The following CFHR3 variants were observed in gnomAD, a reference collection of about 807,000 sequenced individuals.
CFHR3 encodes complement factor H-related protein 3.
In CFHR3, 22 loss-of-function variants were observed where a neutral mutation model predicts 36.0. The ratio of observed to expected loss-of-function variants is 0.61; its 90% CI spans 0.44 to 0.87. CFHR3 has a LOEUF of 0.87. CFHR3 is among the 40% of genes least tolerant of loss of function. The probability of loss-of-function intolerance (pLI) is 0.00; values close to 1 mark genes in which losing one functional copy is unlikely to be tolerated. For synonymous variants in CFHR3, 97 were observed against 137.4 expected (o/e 0.71, Z 2.06); for missense variants, 276 against 401.3 (o/e 0.69, Z 2.67).
chr1:196,778,569 T>A lies in CFHR3; in HGVS notation c.59-593T>A, dbSNP rs969460103. 2.9e-5 allele frequency among the ~76,000 whole-genome samples: 4 copies of A among 136,454 alleles called. 2 individuals carry two copies. Among genetic ancestry groups the A allele is most frequent in the African/African-American group, 1.2e-4 (4 of 32,644 alleles). 89.5% of individuals were successfully genotyped at this position (136,454 alleles called of 152,430 possible). A position where few individuals can be genotyped will look rare whatever the true frequency, so the allele number is the denominator to read the frequency against. On this transcript the variant is annotated intron_variant, in intron 1 of 5. Transcript: ENST00000367425. ...TTGAACATTCGTGTATGCACCTATT[T>A]TTTTATGTCAATAATATATCTCATC...
intron 1 of CFHR3, among the ~76,000 whole-genome samples, 174 bp downstream of exon 1, chr1:196,775,118 C>A (rs1368394588): frequency 7.3e-6 from 1 of 136,884 alleles, no homozygotes; most frequent in Non-Finnish European, 1.6e-5. Flanking sequence ...AAAAAATTAT[C>A]TCATTTTAAC....
chr1:196,783,840 T>G (rs1654072920), intron 3 of CFHR3, among the ~76,000 whole-genome samples: 1 of 136,252 alleles, frequency 7.3e-6, no homozygotes, highest in Non-Finnish European at 1.6e-5. Flanking sequence ...TCTTGCCTTC[T>G]GCTAGCTTTG....
At chr1:196,789,762 A>T in intron 4 of CFHR3, 1 of 1,375,550 alleles carries the variant, frequency 7.3e-7, no homozygotes, top group Non-Finnish European at 9.5e-7. Flanking sequence ...TGTTATAGTA[A>T]GTATTTTATT....
intron 1 of CFHR3, among the ~76,000 whole-genome samples, chr1:196,778,038 A>G (rs1260132507): frequency 7.5e-6 from 1 of 134,116 alleles, no homozygotes; most frequent in East Asian, 2.0e-4. Flanking sequence ...TTCCTTTAAT[A>G]TATGTCCCTT....
chr1:196,781,423 G>A (rs1653943576), intron 3 of CFHR3, among the ~76,000 whole-genome samples: 1 of 134,984 alleles, frequency 7.4e-6, no homozygotes, highest in African/African-American at 3.2e-5. Flanking sequence ...CACCAATGGT[G>A]TAAAAGTGTT....
At position 196,788,424 on chromosome 1, in the gene CFHR3, A is replaced by C. The variant is rs373850719; in HGVS notation, c.613+26A>C. 6.6e-6 allele frequency: 10 copies of C among 1,521,216 alleles called. 1 individual carries two copies. Among genetic ancestry groups the C allele is most frequent in the Non-Finnish European group, 8.9e-6 (10 of 1,128,820 alleles). The allele number at this position is 1,521,216 out of a possible 1,614,324, so 94.2% of individuals were successfully genotyped here. On this transcript the variant is annotated intron_variant, in intron 4 of 5. Coordinates refer to ENST00000367425, the MANE Select transcript of CFHR3 (RefSeq NM_021023.6). ...GTAAGTGATTTACATATTCCCATTC[A>C]GTTTCTGTCAACTTCGTTCCTCTCT...
In CFHR3 at chr1:196,794,576, A is replaced by C; in HGVS notation, c.*1063A>C. 1 of 366,920 alleles carries C rather than the reference A, an allele frequency of 2.7e-6. No homozygotes were observed. The allele number at this position is 366,920 out of a possible 1,614,324, so 22.7% of individuals were successfully genotyped here. On this transcript the variant is annotated 3_prime_UTR_variant, in exon 6 of 6. Coordinates refer to ENST00000367425, the MANE Select transcript of CFHR3 (RefSeq NM_021023.6). ...ATACAAATATTTTGAAAGTTTCTTC[A>C]TATATGGTTTTTTGCATTTCTTATT...
In CFHR3 at chr1:196,780,558, T is replaced by G. The variant is rs1653906342; in HGVS notation, c.430+585T>G. 1.5e-5 allele frequency among the ~76,000 whole-genome samples: 2 copies of G among 137,326 alleles called. 1 individual carries two copies. The highest frequency in any genetic ancestry group is 6.0e-5 in the African/African-American group (2 of 33,070). The allele number at this position is 137,326 out of a possible 152,430, so 90.1% of individuals were successfully genotyped here. On this transcript the variant is annotated intron_variant, in intron 3 of 5. Transcript: ENST00000367425. ...CACAGTTTAATTGGTATTTAATGAT[T>G]CTAAAATTTGGAAATGCAGTTTGAT...
chr1:196,779,910 GCGCAGA>G lies in CFHR3; in HGVS notation c.369_374del (p.Gln124_Thr125del). The G allele has an allele frequency of 6.5e-7, 1 of 1,533,432 alleles. No individual in the cohort carries two copies. The highest frequency in any genetic ancestry group is 8.8e-7 in the Non-Finnish European group (1 of 1,133,508). The allele number at this position is 1,533,432 out of a possible 1,614,324, so 95.0% of individuals were successfully genotyped here. On this transcript the variant is annotated inframe_deletion, in exon 3 of 6. Transcript: ENST00000367425. The stretch of plus-strand genomic sequence containing the variant: ...CCATCCTGGCTACGGTCTTCCAAAA[GCGCAGA>G]CCACAGTTACATGTACGGAGAAAGG...
chr1:196,793,182 T>C lies in CFHR3; in HGVS notation c.797-135T>C, dbSNP rs1413073107. The C allele has an allele frequency of 3.5e-6, 3 of 864,452 alleles. 1 individual carries two copies. Among genetic ancestry groups the C allele is most frequent in the South Asian group, 2.1e-5 (1 of 48,250 alleles). The allele number at this position is 864,452 out of a possible 1,614,324, so 53.5% of individuals were successfully genotyped here. A position where few individuals can be genotyped will look rare whatever the true frequency, so the allele number is the denominator to read the frequency against. On this transcript the variant is annotated intron_variant, in intron 5 of 5. Coordinates refer to ENST00000367425, the MANE Select transcript of CFHR3 (RefSeq NM_021023.6). ...TTTTTGAAATGCTAACGTCAGTATG[T>C]AGCACAAGTTAATAACTATTAACTA...
At chr1:196,790,301 T>A in intron 5 of CFHR3, 74 bp downstream of exon 5, 1 of 806,050 alleles carries the variant, frequency 1.2e-6, no homozygotes, top group Non-Finnish European at 1.8e-6. Context: ...ATACTAGAAT[T>A]TTTATGGGTT....
chr1:196,778,883 G>C (rs923513778), intron 1 of CFHR3, among the ~76,000 whole-genome samples: 2 of 136,848 alleles, frequency 1.5e-5, no homozygotes, highest in African/African-American at 6.1e-5. Flanking sequence ...TACATTAGTA[G>C]AAGTAGAGAA....
chr1:196,786,509 C>A lies in CFHR3; in HGVS notation c.431-1707C>A. ...TTACCTAAGCAAGCCTGGGCAATGG[C>A]AGGCCCCCCTCCCCCAGCCTCGCTG... On this transcript the variant is annotated intron_variant, in intron 3 of 5. Coordinates refer to ENST00000367425, the MANE Select transcript of CFHR3 (RefSeq NM_021023.6). Among the ~76,000 whole-genome samples the A allele has an allele frequency of 1.5e-5, 2 of 134,820 alleles. 1 individual carries two copies. Among genetic ancestry groups the A allele is most frequent in the Non-Finnish European group, 3.1e-5 (2 of 64,386 alleles). The allele number at this position is 134,820 out of a possible 152,430, so 88.4% of individuals were successfully genotyped here. A position where few individuals can be genotyped will look rare whatever the true frequency, so the allele number is the denominator to read the frequency against.
rs1344502731 is a variant in CFHR3 at position 196,794,691 on chromosome 1, T to G, written c.*1178T>G. On this transcript the variant is annotated 3_prime_UTR_variant, in exon 6 of 6. Coordinates refer to ENST00000367425, the MANE Select transcript of CFHR3 (RefSeq NM_021023.6). ...TGTACTTTTCTTTGTATATAAGGAT[T>G]TTTTGAAAAGATTGTATATCCCTGT... 6.2e-6 allele frequency: 2 copies of G among 321,238 alleles called. No individual in the cohort carries two copies. Among genetic ancestry groups the G allele is most frequent in the East Asian group, 1.8e-4 (2 of 11,400 alleles). The allele number at this position is 321,238 out of a possible 1,614,324, so 19.9% of individuals were successfully genotyped here.
rs1653846171 is a variant in CFHR3 at position 196,779,198 on chromosome 1, G to A, written c.95G>A (p.Gly32Asp). The A allele has an allele frequency of 1.3e-6, 2 of 1,529,738 alleles. No homozygotes were observed. Among genetic ancestry groups the A allele is most frequent in the East Asian group, 2.2e-5 (1 of 44,580 alleles). 94.8% of individuals were successfully genotyped at this position (1,529,738 alleles called of 1,614,324 possible). ...GATTTTCCAGACATTAAACATGGAGGTCTATTTCATGAGAATATGCGTAGA... is the reference window on the plus strand; with the variant it reads ...GATTTTCCAGACATTAAACATGGAGATCTATTTCATGAGAATATGCGTAGA... ...PCDFPDIKHG[G>D]LFHENMRRPY... The change falls in exon 2 of 6, where the codon GGT becomes GAT. Residue 32 changes from glycine to aspartate, a missense_variant. Around this residue, in one of 3 missense-constraint regions of CFHR3, gnomAD observed 178 missense variants for 247.2 expected, o/e 0.72. Transcript: ENST00000367425.
At chr1:196,792,777 TTATG>T (rs145981018) in intron 5 of CFHR3, among the ~76,000 whole-genome samples, 33,028 of 134,108 alleles carry the variant, frequency 0.25, 8,627 homozygotes, top group East Asian at 0.5. Context: ...TGAGGTATAT[TTATG>T]TATGTATGTA....
intron 3 of CFHR3, among the ~76,000 whole-genome samples, chr1:196,785,680 T>G (rs1438351731): frequency 7.3e-6 from 1 of 137,178 alleles, no homozygotes; most frequent in Non-Finnish European, 1.5e-5. Context: ...CTTCTCTGTA[T>G]TGGTTATTCT....
rs1363393147 is a variant in CFHR3, at chr1:196,781,788, C to T, written c.430+1815C>T. Among the ~76,000 whole-genome samples the T allele has an allele frequency of 1.6e-4, 22 of 134,894 alleles. 3 individuals are homozygous for T. Among genetic ancestry groups the T allele is most frequent in the South Asian group, 7.9e-4 (3 of 3,776 alleles). 88.5% of individuals were successfully genotyped at this position (134,894 alleles called of 152,430 possible). On this transcript the variant is annotated intron_variant, in intron 3 of 5. Transcript: ENST00000367425. ...TCTGATGGTAGTTTCTTTTGCTGTG[C>T]GGAAGCTCTTTAGTTTAATTAGATC...
intron 3 of CFHR3, among the ~76,000 whole-genome samples, chr1:196,784,594 A>C (rs1654110009): frequency 7.4e-6 from 1 of 135,094 alleles, no homozygotes. Context: ...TGTTGGTTTA[A>C]AGTTTGTTTC....
Sources: gnomAD v4.1 joint callset for allele counts (sites outside exome capture counted in the v4.1 genomes callset) on GRCh38, gnomAD v4.1.1 for gene constraint, gnomAD v4.1.1 regional missense constraint, MANE v1.5 for transcripts, NCBI Gene and HGNC (gene_info 2026-07-23, HGNC 2026-07-21) for gene names.